XPR1: variants seen among roughly 807,000 people sequenced by gnomAD.
XPR1 encodes the protein solute carrier family 53 member 1.
Under a neutral mutation model 87.5 loss-of-function variants are expected in XPR1, and 28 were observed. The observed-to-expected ratio is 0.32, with a 90% CI of 0.24 to 0.44. The LOEUF is 0.44. XPR1 is among the 20% of genes least tolerant of loss of function. The pLI is 1.00. For missense variants in XPR1, 559 were observed against 862.3 expected (o/e 0.65, Z 4.41); for synonymous variants, 300 against 306.1 (o/e 0.98, Z 0.21).
chr1:180,632,368 C>G lies in XPR1; in HGVS notation c.69+98C>G. The G allele has an allele frequency of 2.1e-6, 3 of 1,461,294 alleles. No homozygotes were observed. The East Asian group carries it at 7.4e-5, about 36-fold the overall frequency. The allele number at this position is 1,461,294 out of a possible 1,614,324, so 90.5% of individuals were successfully genotyped here. A position where few individuals can be genotyped will look rare whatever the true frequency, so the allele number is the denominator to read the frequency against. ...CTTCCGCTTCAGCTGGCTCCCTGTGCCCGGGCAGACTTTGACCCGCTGCCG... is the reference window on the plus strand; with the variant it reads ...CTTCCGCTTCAGCTGGCTCCCTGTGGCCGGGCAGACTTTGACCCGCTGCCG... On this transcript the variant is annotated intron_variant, in intron 1 of 14. Coordinates refer to ENST00000367590, the MANE Select transcript of XPR1 (RefSeq NM_004736.4).
chr1:180,698,744 T>C (rs1349794958), intron 2 of XPR1, among the ~76,000 whole-genome samples: 1 of 152,120 alleles, frequency 6.6e-6, no homozygotes, highest in Non-Finnish European at 1.5e-5. Flanking sequence ...AAAAAAAATA[T>C]TTCTCCTTCA....
intron 2 of XPR1, among the ~76,000 whole-genome samples, chr1:180,770,730 C>G (rs1197060941): frequency 6.6e-6 from 1 of 152,082 alleles, no homozygotes; most frequent in Non-Finnish European, 1.5e-5. Flanking sequence ...TATTTTACTC[C>G]CCTGCTTACT....
At chr1:180,682,267 A>G in intron 1 of XPR1, 93 bp from the exon 2 acceptor site, 2 of 935,610 alleles carry the variant, frequency 2.1e-6, no homozygotes, top group African/African-American at 1.7e-5. Context: ...ATGAGTGGTC[A>G]TTGAATATTG....
At position 180,658,912 on chromosome 1, in the gene XPR1, A is replaced by T. The variant is rs1003655710; in HGVS notation, c.70-23448A>T. 4.6e-5 allele frequency among the ~76,000 whole-genome samples: 7 copies of T among 152,258 alleles called. No homozygotes were observed. The East Asian group carries it at 1.2e-3, about 25-fold the overall frequency. On this transcript the variant is annotated intron_variant, in intron 1 of 14. Transcript: ENST00000367590. ...CTTTACTCTGTTGATATGATGTATC[A>T]CATTGATTTGTAGATGTTGAACCAT... is the stretch of plus-strand genomic sequence containing the variant.
At chr1:180,727,913 G>C (rs961815169) in intron 2 of XPR1, among the ~76,000 whole-genome samples, 2 of 152,140 alleles carry the variant, frequency 1.3e-5, no homozygotes, top group Non-Finnish European at 2.9e-5. Context: ...CACTTTCATC[G>C]TCATCTTGAT....
chr1:180,882,412 A>G (rs1348219090), intron 14 of XPR1, among the ~76,000 whole-genome samples: 1 of 152,142 alleles, frequency 6.6e-6, no homozygotes, highest in Non-Finnish European at 1.5e-5. Flanking sequence ...GGCTCAATGC[A>G]GCAGCACGAT....
At chr1:180,816,852 C>T (rs1650429258) in intron 7 of XPR1, among the ~76,000 whole-genome samples, 1 of 152,164 alleles carries the variant, frequency 6.6e-6, no homozygotes, top group African/African-American at 2.4e-5. Flanking sequence ...AGAGTGAACT[C>T]CTCCTACTTA....
intron 11 of XPR1, among the ~76,000 whole-genome samples, chr1:180,837,555 G>A (rs184970613): frequency 4.6e-5 from 7 of 152,096 alleles, no homozygotes; most frequent in African/African-American, 1.2e-4. Context: ...GTGTCTAACG[G>A]TCATAAAAGA....
At chr1:180,836,825 C>G in intron 11 of XPR1, 109 bp downstream of exon 11, 1 of 1,327,960 alleles carries the variant, frequency 7.5e-7, no homozygotes, top group Non-Finnish European at 1.0e-6. Context: ...TTTTTTTCCA[C>G]TGAAATTTCA....
chr1:180,855,410 T>C (rs1651993967), intron 11 of XPR1, among the ~76,000 whole-genome samples: 1 of 152,196 alleles, frequency 6.6e-6, no homozygotes, highest in Non-Finnish European at 1.5e-5. Flanking sequence ...CTCACACCTG[T>C]AATCCCAGCA....
intron 2 of XPR1, among the ~76,000 whole-genome samples, chr1:180,768,014 T>G (rs961644113): frequency 6.6e-6 from 1 of 152,090 alleles, no homozygotes; most frequent in African/African-American, 2.4e-5. Context: ...CTGGCTAATT[T>G]TTTGTATTTT....
chr1:180,854,355 A>G (rs1651967089), intron 11 of XPR1, among the ~76,000 whole-genome samples: 1 of 152,260 alleles, frequency 6.6e-6, no homozygotes, highest in African/African-American at 2.4e-5. Context: ...TTAGCAGGTT[A>G]TAGGAGAATT....
chr1:180,853,791 G>GTTTTTTTTTTTTTTTTTTT (rs374408714), intron 11 of XPR1, among the ~76,000 whole-genome samples: 2 of 109,442 alleles, frequency 1.8e-5, no homozygotes, highest in Non-Finnish European at 3.6e-5. Flanking sequence ...CATTCATGTG[G>GTTTTTTTTTTTTTTTTTTT]TTTTTTTTTT....
chr1:180,716,257 T>G (rs1350622377), intron 2 of XPR1, among the ~76,000 whole-genome samples: 2 of 151,954 alleles, frequency 1.3e-5, no homozygotes, highest in Non-Finnish European at 2.9e-5. Flanking sequence ...CTGGCTAGTT[T>G]TTTTTTTCTT....
intron 1 of XPR1, 134 bp downstream of exon 1, chr1:180,632,404 C>G (rs921753697): frequency 8.5e-7 from 1 of 1,178,540 alleles, no homozygotes; most frequent in Non-Finnish European, 1.2e-6. Flanking sequence ...CGGGGAGCCA[C>G]TGCGGCATCC....
intron 2 of XPR1, among the ~76,000 whole-genome samples, chr1:180,737,970 G>A (rs554930415): frequency 9.9e-5 from 15 of 152,110 alleles, no homozygotes; most frequent in Non-Finnish European, 1.9e-4. Flanking sequence ...TAAGGAGTGG[G>A]ATTGCTGGGT....
chr1:180,877,484 A>G (rs1431646083), intron 13 of XPR1, among the ~76,000 whole-genome samples: 1 of 152,194 alleles, frequency 6.6e-6, no homozygotes, highest in African/African-American at 2.4e-5. Context: ...ATATGGAAAA[A>G]AATGGTTCCC....
chr1:180,669,892 G>T (rs1656104347), intron 1 of XPR1, among the ~76,000 whole-genome samples: 1 of 152,094 alleles, frequency 6.6e-6, no homozygotes, highest in South Asian at 2.1e-4. Context: ...TGTGAATGTG[G>T]TCTCTGTCTC....
chr1:180,756,263 A>G (rs1282157493), intron 2 of XPR1, among the ~76,000 whole-genome samples: 1 of 152,256 alleles, frequency 6.6e-6, no homozygotes, highest in Non-Finnish European at 1.5e-5. Flanking sequence ...AAAAAATCAA[A>G]GAAAGATTGA....
Sources: gnomAD v4.1 joint callset for allele counts (sites outside exome capture counted in the v4.1 genomes callset) on GRCh38, gnomAD v4.1.1 for gene constraint, MANE v1.5 for transcripts, NCBI Gene and HGNC (gene_info 2026-07-23, HGNC 2026-07-21) for gene names.